Variants in HEG1 observed in about 807,000 individuals in gnomAD.
The protein encoded by HEG1 is heart development protein with EGF like domains 1.
Under a neutral mutation model 125.6 loss-of-function variants are expected in HEG1, and 56 were observed. The ratio of observed to expected loss-of-function variants is 0.45; its 90% confidence interval spans 0.36 to 0.56. The LOEUF (loss-of-function observed/expected upper bound fraction) is 0.56. Ranked by LOEUF, HEG1 falls within the 20% of genes least tolerant of loss-of-function variation. HEG1 has a pLI of 0.00. For synonymous variants in HEG1, 644 were observed against 668.5 expected (o/e 0.96, Z 0.57); for missense variants, 1,523 against 1,670.0 (o/e 0.91, Z 1.53).
chr3:124,981,270 C>A (rs1361119290), intron 14 of HEG1, among the ~76,000 whole-genome samples: 1 of 145,250 alleles, frequency 6.9e-6, no homozygotes, highest in Non-Finnish European at 1.5e-5. Flanking sequence ...TTTAAAGTCA[C>A]AGTCAACTCG....
At chr3:125,037,197 C>T (rs1421472919) in intron 1 of HEG1, among the ~76,000 whole-genome samples, 1 of 152,184 alleles carries the variant, frequency 6.6e-6, no homozygotes, top group Non-Finnish European at 1.5e-5. Context: ...TAGTATGTAT[C>T]ATATGATTCC....
intron 3 of HEG1, among the ~76,000 whole-genome samples, chr3:125,023,963 C>A (rs1403466466): frequency 1.8e-5 from 2 of 111,470 alleles, no homozygotes; most frequent in Admixed American, 8.8e-5. Flanking sequence ...GAAAGTACAG[C>A]TGAAGCAGCT....
In HEG1 at chr3:125,001,971, G is replaced by T. The variant is rs756073031; in HGVS notation, c.3398C>A (p.Ser1133Tyr). The T allele has an allele frequency of 3.1e-6, 5 of 1,614,018 alleles. No individual in the cohort carries two copies. In the Admixed American group the frequency reaches 8.3e-5, roughly 27 times the overall value. The change falls in exon 11 of 17, where the codon TCC (serine) becomes TAC (tyrosine). Residue 1133 changes from serine to tyrosine, a missense_variant. Transcript: ENST00000311127. Reference protein sequence around the residue: ...AVVISLQTTFSLASNVTLFDL... With the variant: ...AVVISLQTTFYLASNVTLFDL... ...AAATAGCGTCACATTGGAGGCCAGG[G>T]AAAAGGTTGTTTGCAGTGAGATCAC...
intron 14 of HEG1, among the ~76,000 whole-genome samples, chr3:124,979,643 C>T (rs751893207): frequency 9.9e-5 from 15 of 151,968 alleles, no homozygotes; most frequent in African/African-American, 1.5e-4. Flanking sequence ...CACCAGTAGC[C>T]GGATTCTCGA....
At chr3:124,991,584 T>C (rs941618623) in intron 12 of HEG1, among the ~76,000 whole-genome samples, 7 of 152,194 alleles carry the variant, frequency 4.6e-5, no homozygotes, top group African/African-American at 1.4e-4. Flanking sequence ...GTCTGGTACA[T>C]AGTAACCACT....
intron 1 of HEG1, among the ~76,000 whole-genome samples, chr3:125,040,019 A>AT (rs1937580042): frequency 6.6e-6 from 1 of 152,228 alleles, no homozygotes; most frequent in Non-Finnish European, 1.5e-5. Flanking sequence ...AAGACTGAGC[A>AT]AGAGGACTTC....
rs373354578 is a variant in HEG1, at chr3:125,029,200, T to A, written c.605A>T (p.Asn202Ile). The A allele has an allele frequency of 2.9e-5, 46 of 1,611,406 alleles. No individual in the cohort carries two copies. In the African/African-American group the frequency reaches 6.0e-4, roughly 21 times the overall value. Reference sequence around the variant, plus strand: ...CATCATCAGCACAAGCTCACCTAAGTTGCCACTCTGGGAAGTCAGAGCTGT... The same window carrying A: ...CATCATCAGCACAAGCTCACCTAAGATGCCACTCTGGGAAGTCAGAGCTGT... ...IATALTSQSG[N>I]LASESLHLPS... The change falls in exon 2 of 17, where the codon AAC (asparagine) becomes ATC (isoleucine). Residue 202 changes from asparagine (N) to isoleucine (I), a missense_variant. Coordinates refer to ENST00000311127, the MANE Select transcript of HEG1 (RefSeq NM_020733.2).
intron 1 of HEG1, among the ~76,000 whole-genome samples, chr3:125,048,380 C>T (rs1258382553): frequency 6.6e-6 from 1 of 152,186 alleles, no homozygotes; most frequent in African/African-American, 2.4e-5. Context: ...TCCTCATGGC[C>T]CTGGGTGATC....
At chr3:125,025,164 G>A (rs1229165327) in intron 3 of HEG1, among the ~76,000 whole-genome samples, 1 of 152,182 alleles carries the variant, frequency 6.6e-6, no homozygotes, top group Non-Finnish European at 1.5e-5. Flanking sequence ...TAGATTCAAG[G>A]GGAAGACTCT....
rs1365100987 is a variant in HEG1, at chr3:124,967,741, CT to C, written c.*2910del. 1.3e-5 allele frequency: 2 copies of C among 152,332 alleles called. No homozygotes were observed. The highest frequency in any genetic ancestry group is 3.9e-4 in the East Asian group (2 of 5,176). The allele number at this position is 152,332 out of a possible 1,614,324, so 9.4% of individuals were successfully genotyped here. A position where few individuals can be genotyped will look rare whatever the true frequency, so the allele number is the denominator to read the frequency against. ...GGTTTCTGTACCTGAGAAATGGGCA[CT>C]TCCATGCCCACCTCTCAAGGATACT... On this transcript the variant is annotated 3_prime_UTR_variant, in exon 17 of 17. Coordinates refer to ENST00000311127, the MANE Select transcript of HEG1 (RefSeq NM_020733.2).
chr3:124,976,108 C>T (rs1267151890), intron 15 of HEG1, among the ~76,000 whole-genome samples: 2 of 152,228 alleles, frequency 1.3e-5, no homozygotes. Flanking sequence ...CACCATTTTA[C>T]ATTCCCACTA....
intron 6 of HEG1, among the ~76,000 whole-genome samples, chr3:125,011,415 T>C (rs892683582): frequency 6.6e-6 from 1 of 152,236 alleles, no homozygotes; most frequent in South Asian, 2.1e-4. Flanking sequence ...TAACAGCCAG[T>C]GAATCTGCCC....
At chr3:125,028,006 T>C (rs1937442745) in intron 2 of HEG1, among the ~76,000 whole-genome samples, 1 of 152,240 alleles carries the variant, frequency 6.6e-6, no homozygotes, top group African/African-American at 2.4e-5. Flanking sequence ...CACTAGGACC[T>C]GAAACCATGG....
rs535478602 is a variant in HEG1, at chr3:124,973,658, C to T, written c.3996+73G>A. ...TTAACTAACTGTAATGCTTTTACTA[C>T]AACAAAACAGAATTCCTTTACTTCT... On this transcript the variant is annotated intron_variant, in intron 16 of 16. Coordinates refer to ENST00000311127, the MANE Select transcript of HEG1 (RefSeq NM_020733.2). The T allele has an allele frequency of 5.6e-5, 70 of 1,251,892 alleles. 1 individual carries two copies. The South Asian group carries it at 7.8e-4, about 14-fold the overall frequency. The allele number at this position is 1,251,892 out of a possible 1,614,324, so 77.5% of individuals were successfully genotyped here. A position where few individuals can be genotyped will look rare whatever the true frequency, so the allele number is the denominator to read the frequency against.
chr3:125,027,103 C>A, intron 3 of HEG1, 102 bp downstream of exon 3: 2 of 1,137,690 alleles, frequency 1.8e-6, no homozygotes, highest in Non-Finnish European at 2.4e-6. Context: ...ATGTCTTTTC[C>A]CCTTACCCAC....
At position 124,969,191 on chromosome 3, in the gene HEG1, C is replaced by T. The variant is rs1041208881; in HGVS notation, c.*1461G>A. ...TTCTTTTACCTCTGTATTCCCCTCACTTCATCCAAAACCAGGATGCCCCAA... is the reference window on the plus strand; with the variant it reads ...TTCTTTTACCTCTGTATTCCCCTCATTTCATCCAAAACCAGGATGCCCCAA... On this transcript the variant is annotated 3_prime_UTR_variant, in exon 17 of 17. Coordinates refer to ENST00000311127, the MANE Select transcript of HEG1 (RefSeq NM_020733.2). 1 of 152,224 alleles carries T rather than the reference C, an allele frequency of 6.6e-6. No homozygotes were observed. The highest frequency in any genetic ancestry group is 1.5e-5 in the Non-Finnish European group (1 of 68,058). 9.4% of individuals were successfully genotyped at this position (152,224 alleles called of 1,614,324 possible). A position where few individuals can be genotyped will look rare whatever the true frequency, so the allele number is the denominator to read the frequency against.
In HEG1 at chr3:124,969,458, G is replaced by GA. The variant is rs1300489886; in HGVS notation, c.*1193dup. The GA allele has an allele frequency of 2.0e-5, 3 of 151,940 alleles. No homozygotes were observed. The highest frequency in any genetic ancestry group is 4.8e-5 in the African/African-American group (2 of 41,376). 9.4% of individuals were successfully genotyped at this position (151,940 alleles called of 1,614,324 possible). The stretch of plus-strand genomic sequence containing the variant: ...TGAAGAGGTACAAATGACTGGGTGA[G>GA]AAAAAAAAGTTATTTCTTCAGCCGA... On this transcript the variant is annotated 3_prime_UTR_variant, in exon 17 of 17. Coordinates refer to ENST00000311127, the MANE Select transcript of HEG1 (RefSeq NM_020733.2).
chr3:125,019,385 A>G lies in HEG1; in HGVS notation c.1465T>C (p.Ser489Pro). Residue 489 changes from serine (S) to proline (P), a missense_variant, in exon 5 of 17, where the codon TCA (serine) becomes CCA (proline). Ser to Pro is a moderately conservative substitution (Grantham distance 74, BLOSUM62 -1). Coordinates refer to ENST00000311127, the MANE Select transcript of HEG1 (RefSeq NM_020733.2). The part of the protein sequence containing the change: ...GVNASVLTQF[S>P]DSTVQSGGSH... Reference sequence around the variant, plus strand: ...CCTCCAGACTGTACAGTAGAGTCTGAGAACTGGGTCAACACTGAAGCATTC... The same window carrying G: ...CCTCCAGACTGTACAGTAGAGTCTGGGAACTGGGTCAACACTGAAGCATTC... 1 of 1,614,004 alleles carries G rather than the reference A, an allele frequency of 6.2e-7. No homozygotes were observed. The highest frequency in any genetic ancestry group is 8.5e-7 in the Non-Finnish European group (1 of 1,179,852).
chr3:124,968,051 A>T lies in HEG1; in HGVS notation c.*2601T>A, dbSNP rs2107683828. The T allele has an allele frequency of 6.6e-6, 1 of 152,282 alleles. No homozygotes were observed. The highest frequency in any genetic ancestry group is 1.9e-4 in the East Asian group (1 of 5,164). 9.4% of individuals were successfully genotyped at this position (152,282 alleles called of 1,614,324 possible). On this transcript the variant is annotated 3_prime_UTR_variant, in exon 17 of 17. Transcript: ENST00000311127. ...TACACATCACTTGCCCCTTCCTCTC[A>T]CCTTCCCCCATCTGTGGGATATTGG...
Sources: allele counts gnomAD v4.1 joint callset (sites outside exome capture counted in the v4.1 genomes callset), GRCh38; gene constraint gnomAD v4.1.1; transcripts MANE v1.5; gene names NCBI Gene and HGNC (gene_info 2026-07-23, HGNC 2026-07-21).